ZNF277: variants seen among roughly 807,000 people sequenced by gnomAD.
ZNF277 encodes the protein zinc finger protein 277.
A neutral mutation model predicts 60.7 loss-of-function variants in ZNF277; 55 were observed. The observed-to-expected ratio is 0.91, with a 90% CI of 0.73 to 1.13. ZNF277 has a LOEUF of 1.13. Ranked by LOEUF, ZNF277 falls within the 50% of genes most tolerant of loss-of-function variation. The probability of loss-of-function intolerance (pLI) is 0.00; values close to 1 mark genes in which losing one functional copy is unlikely to be tolerated. For synonymous variants in ZNF277, 178 were observed against 179.3 expected, an observed-to-expected ratio of 0.99 and a Z score of 0.06; for missense variants, 510 against 523.0, an observed-to-expected ratio of 0.98 and a Z score of 0.24.
At position 112,206,722 on chromosome 7, in the gene ZNF277, T is replaced by A. The variant is rs762562527; in HGVS notation, c.6T>A (p.Ala2=). 2 of 1,613,390 alleles carry A rather than the reference T, an allele frequency of 1.2e-6. No individual in the cohort carries two copies. The highest frequency in any genetic ancestry group is 4.5e-5 in the East Asian group (2 of 44,808). M[A]ASKTQGAVAR... The stretch of plus-strand genomic sequence containing the variant: ...CTTTTCTTTTCTGCCGGGTAATGGC[T>A]GCTTCCAAGACCCAGGGGGCTGTCG... The change falls in exon 1 of 12, where the codon GCT becomes GCA. Residue 2 remains alanine, a synonymous_variant. Coordinates refer to ENST00000361822, the MANE Select transcript of ZNF277 (RefSeq NM_021994.3).
chr7:112,306,341 A>G (rs968224700), intron 4 of ZNF277, among the ~76,000 whole-genome samples: 1 of 151,008 alleles, frequency 6.6e-6, no homozygotes, highest in Non-Finnish European at 1.5e-5. Flanking sequence ...CAGCCTCCTG[A>G]GTAGCTGGGG....
intron 1 of ZNF277, among the ~76,000 whole-genome samples, chr7:112,278,711 C>T (rs1190777672): frequency 1.3e-5 from 2 of 152,082 alleles, no homozygotes; most frequent in Admixed American, 6.6e-5. Flanking sequence ...CCAGCCTTGA[C>T]TTTTCTCTCC....
At chr7:112,218,973 TTA>T (rs1821957723) in intron 1 of ZNF277, among the ~76,000 whole-genome samples, 1 of 152,220 alleles carries the variant, frequency 6.6e-6, no homozygotes, top group Non-Finnish European at 1.5e-5. Context: ...TTTTCTTCAG[TTA>T]TGTACCCAGA....
chr7:112,323,315 G>A (rs1793026462), intron 5 of ZNF277, among the ~76,000 whole-genome samples: 1 of 152,196 alleles, frequency 6.6e-6, no homozygotes, highest in South Asian at 2.1e-4. Context: ...ATTGTTTGCT[G>A]CAATTAGTAT....
chr7:112,314,455 C>A (rs1216097425), intron 4 of ZNF277, among the ~76,000 whole-genome samples: 3 of 152,028 alleles, frequency 2.0e-5, no homozygotes. Flanking sequence ...TTCCCTATAA[C>A]ATAGGATTGT....
chr7:112,211,380 CTG>C (rs1255125870), intron 1 of ZNF277, among the ~76,000 whole-genome samples: 1 of 152,238 alleles, frequency 6.6e-6, no homozygotes, highest in Non-Finnish European at 1.5e-5. Context: ...GCTACAGCCA[CTG>C]TGCTAATTCC....
At chr7:112,270,189 C>G (rs1791637260) in intron 1 of ZNF277, among the ~76,000 whole-genome samples, 1 of 152,054 alleles carries the variant, frequency 6.6e-6, no homozygotes, top group Non-Finnish European at 1.5e-5. Flanking sequence ...TCTTTGCATC[C>G]TTGAATTCTA....
intron 1 of ZNF277, among the ~76,000 whole-genome samples, chr7:112,261,476 A>G (rs1023221216): frequency 1.3e-5 from 2 of 152,068 alleles, no homozygotes; most frequent in African/African-American, 4.8e-5. Context: ...TGATTATTTT[A>G]TTTTAGCCTA....
chr7:112,249,581 A>G (rs1169341697), intron 1 of ZNF277, among the ~76,000 whole-genome samples: 1 of 152,178 alleles, frequency 6.6e-6, no homozygotes, highest in Non-Finnish European at 1.5e-5. Context: ...GTCAAAGAGA[A>G]GGAAATAGGA....
chr7:112,244,793 A>G (rs1004829683), intron 1 of ZNF277, among the ~76,000 whole-genome samples: 1 of 152,132 alleles, frequency 6.6e-6, no homozygotes, highest in Non-Finnish European at 1.5e-5. Context: ...GCAGTAACCT[A>G]CACTTTCTGT....
chr7:112,296,184 T>A, intron 3 of ZNF277, 45 bp from the exon 4 acceptor site: 1 of 1,321,600 alleles, frequency 7.6e-7, no homozygotes, highest in East Asian at 2.3e-5. Context: ...GGGGAAAAAA[T>A]GGTTAATATC....
intron 1 of ZNF277, among the ~76,000 whole-genome samples, chr7:112,256,421 GTTTTTTTTTTTTTTT>G (rs779126085): frequency 2.1e-5 from 2 of 95,384 alleles, no homozygotes; most frequent in Non-Finnish European, 4.0e-5. Context: ...CTTCTTTGGA[GTTTTTTTTTTTTTTT>G]TTTTTTTTTT....
chr7:112,283,923 A>G (rs759857630), intron 1 of ZNF277, among the ~76,000 whole-genome samples: 1 of 152,226 alleles, frequency 6.6e-6, no homozygotes, highest in Non-Finnish European at 1.5e-5. Flanking sequence ...TAGCTTATAA[A>G]TGTATATATA....
chr7:112,341,594 G>A (rs1289909586), intron 11 of ZNF277, among the ~76,000 whole-genome samples: 1 of 152,158 alleles, frequency 6.6e-6, no homozygotes, highest in Non-Finnish European at 1.5e-5. Context: ...TATATATTTT[G>A]TATATTGGCA....
At chr7:112,318,411 A>G (rs1332882708) in intron 5 of ZNF277, 138 bp downstream of exon 5, 3 of 664,458 alleles carry the variant, frequency 4.5e-6, no homozygotes, top group African/African-American at 3.7e-5. Flanking sequence ...CTTTTTAAAA[A>G]TATACCCAAC....
At chr7:112,327,961 C>T (rs564385313) in intron 6 of ZNF277, 134 bp downstream of exon 6, 50 of 632,810 alleles carry the variant, frequency 7.9e-5, no homozygotes, top group South Asian at 7.3e-4. Context: ...ACATTTTGTA[C>T]GACAGTCCTT....
chr7:112,243,923 G>A (rs750638857), intron 1 of ZNF277, among the ~76,000 whole-genome samples: 12 of 151,986 alleles, frequency 7.9e-5, no homozygotes, highest in Non-Finnish European at 1.5e-4. Flanking sequence ...TGGATGATTG[G>A]ATAAAGAAAA....
At chr7:112,341,071 C>T (rs1793435639) in intron 11 of ZNF277, 25 bp downstream of exon 11, 2 of 1,544,512 alleles carry the variant, frequency 1.3e-6, no homozygotes, top group Non-Finnish European at 1.7e-6. Context: ...ACCAAATGTG[C>T]ACTTCTTACT....
At chr7:112,260,528 C>T (rs1309591719) in intron 1 of ZNF277, among the ~76,000 whole-genome samples, 1 of 152,094 alleles carries the variant, frequency 6.6e-6, no homozygotes, top group Non-Finnish European at 1.5e-5. Flanking sequence ...TTCTATAATT[C>T]ATTTAAGTAT....
Sources: gnomAD v4.1 joint callset for allele counts (sites outside exome capture counted in the v4.1 genomes callset) on GRCh38, gnomAD v4.1.1 for gene constraint, MANE v1.5 for transcripts, NCBI Gene and HGNC (gene_info 2026-07-23, HGNC 2026-07-21) for gene names.